Variants in CPEB1 observed in about 807,000 individuals in gnomAD.
CPEB1 encodes the protein cytoplasmic polyadenylation element binding protein 1, also known as cytoplasmic polyadenylation element-binding protein 1.
Under a neutral mutation model 65.8 loss-of-function variants are expected in CPEB1, and 7 were observed. The observed-to-expected ratio is 0.11, with a 90% CI of 0.06 to 0.20. CPEB1 has a LOEUF of 0.20. Ranked by LOEUF, CPEB1 falls within the 10% of genes least tolerant of loss-of-function variation. The probability of loss-of-function intolerance (pLI) is 1.00; values close to 1 mark genes in which losing one functional copy is unlikely to be tolerated. For synonymous variants in CPEB1, 262 were observed against 260.0 expected (o/e 1.01, Z -0.08); for missense variants, 551 against 712.2 (o/e 0.77, Z 2.58).
intron 1 of CPEB1, among the ~76,000 whole-genome samples, chr15:82,635,485 G>A (rs1252112097): frequency 6.6e-6 from 1 of 152,142 alleles, no homozygotes; most frequent in Non-Finnish European, 1.5e-5. Context: ...CCTACCTCAA[G>A]TCTTCTATGC....
chr15:82,571,842 C>T (rs936119889), intron 3 of CPEB1: 16 of 1,128,974 alleles, frequency 1.4e-5, no homozygotes, highest in Admixed American at 9.0e-5. Flanking sequence ...CAATAGAGAG[C>T]GGCATCATCC....
chr15:82,543,794 TCC>T lies in CPEB1; in HGVS notation c.*796_*797del, dbSNP rs2034707244. 6.6e-6 allele frequency: 1 copy of T among 152,250 alleles called. No homozygotes were observed. Among genetic ancestry groups the T allele is most frequent in the African/African-American group, 2.4e-5 (1 of 41,422 alleles). 9.4% of individuals were successfully genotyped at this position (152,250 alleles called of 1,614,324 possible). ...ACAGCAGCCGCTCAAACACCGTTTA[TCC>T]GGTCCAGTTTCAAATAAAACAAAAA... On this transcript the variant is annotated 3_prime_UTR_variant, in exon 13 of 13. Transcript: ENST00000684509.
intron 3 of CPEB1, among the ~76,000 whole-genome samples, chr15:82,586,444 T>G (rs2041810054): frequency 6.6e-6 from 1 of 152,230 alleles, no homozygotes; most frequent in Non-Finnish European, 1.5e-5. Flanking sequence ...AAAAGTGCTT[T>G]AAACTCTAGA....
At chr15:82,581,237 C>T (rs920618649) in intron 3 of CPEB1, among the ~76,000 whole-genome samples, 2 of 152,168 alleles carry the variant, frequency 1.3e-5, no homozygotes, top group African/African-American at 2.4e-5. Context: ...CTCACCCTCT[C>T]GAGTAGCTGG....
intron 3 of CPEB1, among the ~76,000 whole-genome samples, chr15:82,585,756 C>T (rs904971522): frequency 2.6e-5 from 4 of 152,148 alleles, no homozygotes; most frequent in African/African-American, 7.2e-5. Context: ...ATCTCGGCAG[C>T]GTTCCTTGTC....
chr15:82,553,581 C>A (rs1282395531), intron 7 of CPEB1, 25 bp from the exon 8 acceptor site: 5 of 1,533,938 alleles, frequency 3.3e-6, no homozygotes, highest in Non-Finnish European at 4.5e-6. Flanking sequence ...AAAAGAATGG[C>A]AGAAGCTGAG....
intron 3 of CPEB1, among the ~76,000 whole-genome samples, chr15:82,618,928 T>C (rs1282317229): frequency 1.3e-5 from 2 of 152,198 alleles, no homozygotes; most frequent in African/African-American, 4.8e-5. Flanking sequence ...AGTAGAACTT[T>C]GTGTATGTGG....
chr15:82,606,243 G>T (rs1016923286), intron 3 of CPEB1, among the ~76,000 whole-genome samples: 1 of 151,236 alleles, frequency 6.6e-6, no homozygotes, highest in East Asian at 2.0e-4. Context: ...CGAGGCAGGC[G>T]GATCACTTGA....
At chr15:82,560,112 G>C (rs763478727) in intron 4 of CPEB1, among the ~76,000 whole-genome samples, 1 of 152,110 alleles carries the variant, frequency 6.6e-6, no homozygotes, top group Non-Finnish European at 1.5e-5. Flanking sequence ...ACTCCTGCCT[G>C]ATAGAAATCC....
In CPEB1 at chr15:82,546,475, C is replaced by A. The variant is rs777377028; in HGVS notation, c.1622G>T (p.Ser541Ile). The A allele has an allele frequency of 6.2e-7, 1 of 1,613,966 alleles. No homozygotes were observed. The highest frequency in any genetic ancestry group is 8.5e-7 in the Non-Finnish European group (1 of 1,179,948). Residue 541 changes from serine (S) to isoleucine (I), a missense_variant, in exon 12 of 13, where the codon AGT (serine) becomes ATT (isoleucine). Transcript: ENST00000684509. ...YLEDSLCHIC[S>I]SQPGPFFCRD... ...ACAGAAGAAAGGACCAGGCTGAGAACTGCAGATATGACACAGAGAATCTTC... is the reference window on the plus strand; with the variant it reads ...ACAGAAGAAAGGACCAGGCTGAGAAATGCAGATATGACACAGAGAATCTTC...
chr15:82,549,404 C>G, intron 10 of CPEB1, 56 bp downstream of exon 10: 1 of 1,583,702 alleles, frequency 6.3e-7, no homozygotes, highest in East Asian at 2.2e-5. Context: ...GTATCACAAT[C>G]TTGGTCTACT....
intron 3 of CPEB1, among the ~76,000 whole-genome samples, chr15:82,587,226 C>A (rs1221155210): frequency 3.3e-5 from 5 of 152,094 alleles, no homozygotes; most frequent in Non-Finnish European, 7.4e-5. Flanking sequence ...ACAGGACTCT[C>A]CAACTGCTGA....
chr15:82,570,399 C>T (rs989027101), intron 4 of CPEB1, among the ~76,000 whole-genome samples: 1 of 150,264 alleles, frequency 6.7e-6, no homozygotes, highest in Non-Finnish European at 1.5e-5. Flanking sequence ...CGCCCCTTAC[C>T]ACCTTTTCAT....
chr15:82,547,940 C>T (rs1313200233), intron 10 of CPEB1, among the ~76,000 whole-genome samples: 1 of 152,150 alleles, frequency 6.6e-6, no homozygotes, highest in Non-Finnish European at 1.5e-5. Context: ...TCCCAAAGTG[C>T]CAGGATTATA....
intron 4 of CPEB1, among the ~76,000 whole-genome samples, chr15:82,565,041 A>G (rs892184171): frequency 6.6e-6 from 1 of 152,226 alleles, no homozygotes; most frequent in Admixed American, 6.5e-5. Flanking sequence ...TCCATGCATC[A>G]GTTTCCTGCA....
At chr15:82,617,678 T>C (rs866152106) in intron 3 of CPEB1, among the ~76,000 whole-genome samples, 2 of 151,718 alleles carry the variant, frequency 1.3e-5, no homozygotes, top group African/African-American at 2.4e-5. Context: ...GAATTCTCTA[T>C]GCTAGCTTTG....
upstream of CPEB1, chr15:82,647,983 C>A: frequency 1.2e-6 from 1 of 862,096 alleles, no homozygotes; most frequent in Non-Finnish European, 1.5e-6. Flanking sequence ...CCCCGCACCC[C>A]GGCAGCTTAT....
chr15:82,603,588 C>T (rs146383607), intron 3 of CPEB1, among the ~76,000 whole-genome samples: 1 of 152,054 alleles, frequency 6.6e-6, no homozygotes, highest in African/African-American at 2.4e-5. Flanking sequence ...CCTTGAGGCT[C>T]TGTACAAACA....
chr15:82,619,430 C>T (rs1210699566), intron 3 of CPEB1, among the ~76,000 whole-genome samples: 1 of 152,150 alleles, frequency 6.6e-6, no homozygotes, highest in African/African-American at 2.4e-5. Context: ...GGAATAAAGT[C>T]AGTAAATTAT....
Sources: allele counts gnomAD v4.1 joint callset (sites outside exome capture counted in the v4.1 genomes callset), GRCh38; gene constraint gnomAD v4.1.1; transcripts MANE v1.5; gene names NCBI Gene and HGNC (gene_info 2026-07-23, HGNC 2026-07-21).